The following CDC16 variants were observed in gnomAD, a reference collection of about 807,000 sequenced individuals.
CDC16 encodes the protein cell division cycle protein 16 homolog.
In CDC16, 34 loss-of-function variants were observed where a neutral mutation model predicts 87.0. That is an observed-to-expected ratio of 0.39 (90% CI 0.30 to 0.52). CDC16 has a LOEUF of 0.52. CDC16 is among the 20% of genes least tolerant of loss of function. The pLI is 0.74. For missense variants in CDC16, 653 were observed against 751.9 expected, an observed-to-expected ratio of 0.87 and a Z score of 1.54; for synonymous variants, 263 against 260.6, an observed-to-expected ratio of 1.01 and a Z score of -0.09.
intron 14 of CDC16, among the ~76,000 whole-genome samples, chr13:114,261,053 T>G (rs1284454622): frequency 6.6e-6 from 1 of 152,122 alleles, no homozygotes; most frequent in Non-Finnish European, 1.5e-5. Flanking sequence ...GAAAGGCAGT[T>G]CACCCAGAAA....
At chr13:114,238,723 G>A (rs1015611443) in intron 3 of CDC16, among the ~76,000 whole-genome samples, 1 of 152,154 alleles carries the variant, frequency 6.6e-6, no homozygotes, top group Non-Finnish European at 1.5e-5. Flanking sequence ...CTGTTGCCCC[G>A]TTTCGTCATG....
chr13:114,236,752 T>A (rs374329342), intron 2 of CDC16, 47 bp from the exon 3 acceptor site: 1 of 1,613,070 alleles, frequency 6.2e-7, no homozygotes, highest in African/African-American at 1.3e-5. Flanking sequence ...ATTCGTTTTC[T>A]ATTTCACCTT....
At position 114,263,102 on chromosome 13, in the gene CDC16, T is replaced by G. The variant is rs935522786; in HGVS notation, c.1512+88T>G. The G allele has an allele frequency of 2.5e-6, 3 of 1,177,480 alleles. No homozygotes were observed. The African/African-American group carries it at 4.6e-5, about 18-fold the overall frequency. 72.9% of individuals were successfully genotyped at this position (1,177,480 alleles called of 1,614,324 possible). On this transcript the variant is annotated intron_variant, in intron 16 of 17. Coordinates refer to ENST00000356221, the MANE Select transcript of CDC16 (RefSeq NM_001078645.3). ...AATATTTTTTCTAGGTAATATTGACTTACTATTTTAATATTCTTTAGGCAA... is the reference window on the plus strand; with the variant it reads ...AATATTTTTTCTAGGTAATATTGACGTACTATTTTAATATTCTTTAGGCAA...
chr13:114,246,298 A>G (rs957385215), intron 10 of CDC16, among the ~76,000 whole-genome samples: 1 of 152,262 alleles, frequency 6.6e-6, no homozygotes, highest in Non-Finnish European at 1.5e-5. Context: ...GAAGTTATAC[A>G]TGCTTATTTT....
rs760912095 is a variant in CDC16, at chr13:114,265,255, ATTC to A, written c.1603+18_1603+20del. On this transcript the variant is annotated intron_variant, in intron 17 of 17. Transcript: ENST00000356221. ...AGCTTATATTGGTAAGATAATCGTT[ATTC>A]TTATTGGTATTGTACTCCATTTTTT... 6.7e-6 allele frequency: 10 copies of A among 1,497,868 alleles called. No individual in the cohort carries two copies. The East Asian group carries it at 6.8e-5, about 10-fold the overall frequency. 92.8% of individuals were successfully genotyped at this position (1,497,868 alleles called of 1,614,324 possible).
chr13:114,259,612 T>C (rs2082719675), intron 14 of CDC16, among the ~76,000 whole-genome samples: 1 of 152,230 alleles, frequency 6.6e-6, no homozygotes, highest in Non-Finnish European at 1.5e-5. Context: ...GGCGTTTGCT[T>C]CTTAAATGGG....
In CDC16 at chr13:114,234,916, G is replaced by C. The variant is rs1042313306; in HGVS notation, c.-169G>C. 2 of 402,706 alleles carry C rather than the reference G, an allele frequency of 5.0e-6. No homozygotes were observed. Among genetic ancestry groups the C allele is most frequent in the African/African-American group, 4.2e-5 (2 of 47,896 alleles). 24.9% of individuals were successfully genotyped at this position (402,706 alleles called of 1,614,324 possible). ...CTGGGCAGTGCACGGGGCCTGGGTGGGGGGTGCGGGTGTGGGTGGGGACCT... is the reference window on the plus strand; with the variant it reads ...CTGGGCAGTGCACGGGGCCTGGGTGCGGGGTGCGGGTGTGGGTGGGGACCT... On this transcript the variant is annotated 5_prime_UTR_variant, in exon 1 of 18. Coordinates refer to ENST00000356221, the MANE Select transcript of CDC16 (RefSeq NM_001078645.3).
intron 6 of CDC16, 79 bp from the exon 7 acceptor site, chr13:114,243,178 G>A: frequency 1.3e-6 from 1 of 743,982 alleles, no homozygotes; most frequent in South Asian, 1.5e-5. Flanking sequence ...AAGAACTGTA[G>A]AATCATATTT....
intron 14 of CDC16, among the ~76,000 whole-genome samples, chr13:114,261,680 G>C (rs1323804907): frequency 2.0e-5 from 3 of 152,156 alleles, no homozygotes; most frequent in Non-Finnish European, 4.4e-5. Context: ...GGATAAACTT[G>C]TCCTAATGAT....
At chr13:114,250,146 C>T (rs770519876) in intron 11 of CDC16, among the ~76,000 whole-genome samples, 1 of 152,104 alleles carries the variant, frequency 6.6e-6, no homozygotes, top group Admixed American at 6.5e-5. Flanking sequence ...TATGATCATA[C>T]CACTGCATTC....
At chr13:114,259,975 A>G (rs2082739114) in intron 14 of CDC16, among the ~76,000 whole-genome samples, 1 of 152,238 alleles carries the variant, frequency 6.6e-6, no homozygotes, top group East Asian at 1.9e-4. Context: ...AAGGATGTGT[A>G]TATACTGATA....
At chr13:114,259,431 A>G (rs763587321) in intron 14 of CDC16, 33 bp downstream of exon 14, 4 of 1,236,582 alleles carry the variant, frequency 3.2e-6, no homozygotes, top group Admixed American at 2.6e-5. Context: ...ATATACACAT[A>G]TACACCCCTG....
intron 5 of CDC16, among the ~76,000 whole-genome samples, chr13:114,240,550 G>A (rs763464811): frequency 6.6e-6 from 1 of 152,060 alleles, no homozygotes; most frequent in Non-Finnish European, 1.5e-5. Flanking sequence ...TAGAGACAGG[G>A]TCTCACTGTG....
At chr13:114,242,086 C>T in intron 5 of CDC16, 35 bp from the exon 6 acceptor site, 6 of 1,565,790 alleles carry the variant, frequency 3.8e-6, no homozygotes, top group Non-Finnish European at 4.3e-6. Context: ...TTTAAAAGTA[C>T]TGACTTAATA....
chr13:114,242,721 A>C (rs2081616326), intron 6 of CDC16: 1 of 164,502 alleles, frequency 6.1e-6, no homozygotes, highest in Non-Finnish European at 1.3e-5. Flanking sequence ...TGCGTCAACA[A>C]GGGAAACAGA....
chr13:114,247,036 C>T (rs771562390), intron 11 of CDC16, 32 bp downstream of exon 11: 1 of 1,371,710 alleles, frequency 7.3e-7, no homozygotes, highest in Admixed American at 1.7e-5. Flanking sequence ...CTCTAGTTAA[C>T]CTGTAGAATT....
chr13:114,263,142 C>A, intron 16 of CDC16, 128 bp downstream of exon 16: 1 of 769,496 alleles, frequency 1.3e-6, no homozygotes, highest in Non-Finnish European at 2.1e-6. Context: ...ACGTGTTATT[C>A]TTTTCTTTGC....
In CDC16 at chr13:114,243,324, T is replaced by G; in HGVS notation, c.609T>G (p.Phe203Leu). Residue 203 changes from phenylalanine (F) to leucine (L), a missense_variant, in exon 7 of 18, where the codon TTT becomes TTG. Phe to Leu is a conservative substitution (Grantham distance 22, BLOSUM62 0). Coordinates refer to ENST00000356221, the MANE Select transcript of CDC16 (RefSeq NM_001078645.3). ...LCNEEQELLR[F>L]LFENKLKKYN... The stretch of plus-strand genomic sequence containing the variant: ...ATGAAGAACAGGAATTGCTGCGTTT[T>G]CTATTTGAGAACAAATTGAAAAAAG... The G allele has an allele frequency of 2.5e-6, 4 of 1,572,204 alleles. No homozygotes were observed. Among genetic ancestry groups the G allele is most frequent in the Non-Finnish European group, 3.5e-6 (4 of 1,142,200 alleles).
Position 114,266,364 on chromosome 13 carries a change from C to T in CDC16, c.1603+1124C>T, listed in dbSNP as rs182969263. Among the ~76,000 whole-genome samples, 41 of 152,284 alleles carry T rather than the reference C, an allele frequency of 2.7e-4. No individual in the cohort carries two copies. In the Middle Eastern group the frequency reaches 0.01, roughly 38 times the overall value. On this transcript the variant is annotated intron_variant, in intron 17 of 17. Coordinates refer to ENST00000356221, the MANE Select transcript of CDC16 (RefSeq NM_001078645.3). ...GTGGACATCCAGAGTGGCGAGAAGA[C>T]AGACTGGGGAACTAATCTAGCCAAC... is the stretch of plus-strand genomic sequence containing the variant.
Sources: gnomAD v4.1 joint callset for allele counts (sites outside exome capture counted in the v4.1 genomes callset) on GRCh38, gnomAD v4.1.1 for gene constraint, MANE v1.5 for transcripts, NCBI Gene and HGNC (gene_info 2026-07-23, HGNC 2026-07-21) for gene names.